Variants in ERC2 observed in about 807,000 individuals in gnomAD.
The protein encoded by ERC2 is ERC protein 2.
A neutral mutation model predicts 114.8 loss-of-function variants in ERC2; 42 were observed. The ratio of observed to expected loss-of-function variants is 0.37; its 90% CI spans 0.29 to 0.47. The LOEUF is 0.47. ERC2 is among the 20% of genes least tolerant of loss of function. The pLI, the probability that ERC2 is intolerant of heterozygous loss-of-function variation, is 0.99. For missense variants in ERC2, 939 were observed against 1,150.7 expected (o/e 0.82, Z 2.66); for synonymous variants, 454 against 425.5 (o/e 1.07, Z -0.82).
intron 3 of ERC2, among the ~76,000 whole-genome samples, chr3:56,295,765 A>G (rs1026158697): frequency 1.3e-5 from 2 of 152,256 alleles, no homozygotes; most frequent in African/African-American, 4.8e-5. Context: ...TTTATAAACC[A>G]ACTTACAGTT....
intron 7 of ERC2, among the ~76,000 whole-genome samples, chr3:56,073,304 G>A (rs537404000): frequency 6.6e-6 from 1 of 152,236 alleles, no homozygotes; most frequent in South Asian, 2.1e-4. Context: ...TGTAGACCAG[G>A]GCTTCTCTGG....
intron 5 of ERC2, among the ~76,000 whole-genome samples, chr3:56,140,242 A>G (rs2149917610): frequency 6.6e-6 from 1 of 152,266 alleles, no homozygotes; most frequent in South Asian, 2.1e-4. Flanking sequence ...ATTCACCAAA[A>G]AAGATCACTA....
chr3:56,198,948 T>G (rs1161872443), intron 3 of ERC2, among the ~76,000 whole-genome samples: 2 of 152,130 alleles, frequency 1.3e-5, no homozygotes, highest in African/African-American at 4.8e-5. Context: ...CCACCAGACA[T>G]AAGGGGAAAC....
chr3:55,567,705 G>A (rs1222233060), intron 17 of ERC2, among the ~76,000 whole-genome samples: 1 of 152,116 alleles, frequency 6.6e-6, no homozygotes, highest in Non-Finnish European at 1.5e-5. Flanking sequence ...TCTGGAGTGA[G>A]GGTGAGAAGG....
chr3:56,176,108 T>C (rs1025228880), intron 3 of ERC2, among the ~76,000 whole-genome samples: 9 of 152,208 alleles, frequency 5.9e-5, no homozygotes, highest in African/African-American at 2.2e-4. Flanking sequence ...GTAAGTCACT[T>C]GTCAGAGTTT....
At chr3:55,623,930 C>T (rs358922) in intron 17 of ERC2, among the ~76,000 whole-genome samples, 85,769 of 152,106 alleles carry the variant, frequency 0.56, 25,325 homozygotes, top group Non-Finnish European at 0.65. Context: ...CACTGGGTAA[C>T]AAGCATTTTG....
At chr3:55,834,576 C>A (rs1257172352) in intron 14 of ERC2, among the ~76,000 whole-genome samples, 4 of 151,454 alleles carry the variant, frequency 2.6e-5, no homozygotes, top group Admixed American at 1.3e-4. Context: ...AACAAAGACA[C>A]AACATACAAG....
At chr3:56,060,928 C>T (rs1343910172) in intron 7 of ERC2, among the ~76,000 whole-genome samples, 1 of 152,104 alleles carries the variant, frequency 6.6e-6, no homozygotes, top group Admixed American at 6.5e-5. Context: ...CTTGCACATC[C>T]ACCTAGAAAA....
intron 4 of ERC2, among the ~76,000 whole-genome samples, chr3:56,171,259 A>G (rs2150018346): frequency 6.6e-6 from 1 of 152,244 alleles, no homozygotes; most frequent in Non-Finnish European, 1.5e-5. Flanking sequence ...TAATGTACAA[A>G]ATCAGATGAG....
intron 14 of ERC2, among the ~76,000 whole-genome samples, chr3:55,773,882 A>T (rs1187229339): frequency 6.6e-6 from 1 of 152,222 alleles, no homozygotes; most frequent in East Asian, 1.9e-4. Flanking sequence ...GAGATTATAG[A>T]GGGAAAGAAG....
chr3:56,382,903 C>T (rs1015510181), intron 2 of ERC2, among the ~76,000 whole-genome samples: 1 of 152,098 alleles, frequency 6.6e-6, no homozygotes, highest in Admixed American at 6.6e-5. Flanking sequence ...GGTTCAGATG[C>T]CCAAAACCAA....
chr3:56,368,876 T>G (rs2059255892), intron 2 of ERC2, among the ~76,000 whole-genome samples: 1 of 152,094 alleles, frequency 6.6e-6, no homozygotes, highest in Admixed American at 6.5e-5. Context: ...TATCCGGTAC[T>G]GTTAGCAATA....
chr3:55,726,756 C>T (rs1441090555), intron 15 of ERC2, among the ~76,000 whole-genome samples: 1 of 152,038 alleles, frequency 6.6e-6, no homozygotes, highest in Non-Finnish European at 1.5e-5. Context: ...TTCTGCAAAC[C>T]CCATGGGAGG....
chr3:55,818,747 T>G (rs1372411785), intron 14 of ERC2, among the ~76,000 whole-genome samples: 1 of 152,218 alleles, frequency 6.6e-6, no homozygotes, highest in Non-Finnish European at 1.5e-5. Context: ...ATTCACCAAT[T>G]GTTAGAAATG....
intron 15 of ERC2, among the ~76,000 whole-genome samples, chr3:55,711,971 T>C (rs1339461721): frequency 2.0e-5 from 3 of 152,250 alleles, no homozygotes; most frequent in Non-Finnish European, 4.4e-5. Flanking sequence ...TCTTTCTCTA[T>C]GCTGTGCTAA....
chr3:56,054,760 A>G (rs2075931828), intron 7 of ERC2, among the ~76,000 whole-genome samples: 1 of 152,216 alleles, frequency 6.6e-6, no homozygotes, highest in African/African-American at 2.4e-5. Flanking sequence ...TTAGAAAGGC[A>G]TTTACAATCA....
At chr3:55,820,880 G>C (rs1368553271) in intron 14 of ERC2, among the ~76,000 whole-genome samples, 2 of 152,324 alleles carry the variant, frequency 1.3e-5, no homozygotes, top group East Asian at 3.9e-4. Context: ...CTACTGCGCT[G>C]GCATAAGTGT....
intron 17 of ERC2, among the ~76,000 whole-genome samples, chr3:55,610,064 CAAAA>C (rs36088271): frequency 0.15 from 17,660 of 118,898 alleles, 1,756 homozygotes; most frequent in African/African-American, 0.32. Flanking sequence ...CAAACACAAA[CAAAA>C]AAAAAAAAAA....
intron 7 of ERC2, among the ~76,000 whole-genome samples, chr3:56,068,128 T>C (rs1343472986): frequency 6.6e-6 from 1 of 152,238 alleles, no homozygotes; most frequent in East Asian, 1.9e-4. Context: ...AGCTCCTCTT[T>C]GTACCTCTGG....
Sources: allele counts gnomAD v4.1 joint callset (sites outside exome capture counted in the v4.1 genomes callset), GRCh38; gene constraint gnomAD v4.1.1; transcripts MANE v1.5; gene names NCBI Gene and HGNC (gene_info 2026-07-23, HGNC 2026-07-21).